HIRA: variants seen among roughly 807,000 people sequenced by gnomAD.
HIRA encodes protein HIRA.
HIRA carries 13 observed loss-of-function variants against 126.6 expected under a neutral mutation model. That is an observed-to-expected ratio of 0.10 (90% CI 0.07 to 0.16). The LOEUF (loss-of-function observed/expected upper bound fraction) is 0.16, where lower values mean the gene tolerates loss of function less well. Ranked by LOEUF, HIRA falls within the 10% of genes least tolerant of loss-of-function variation. The probability of loss-of-function intolerance (pLI) is 1.00; values close to 1 mark genes in which losing one functional copy is unlikely to be tolerated. For missense variants in HIRA, 834 were observed against 1,314.4 expected (o/e 0.63, Z 5.65); for synonymous variants, 511 against 520.0 (o/e 0.98, Z 0.24).
At position 19,405,790 on chromosome 22, in the gene HIRA, T is replaced by C. The variant is rs1459784771; in HGVS notation, c.393A>G (p.Ser131=). ...CCAACAGGCAGTCCCACTCACCGCC[T>C]GAATGATTCCGGAGGATAGAGACAC... The part of the protein sequence containing the change: ...WRCVSILRNH[S]GDVMDVAWSP... The change falls in exon 5 of 25, where the codon TCA becomes TCG. Residue 131 remains serine (S), a synonymous_variant. Coordinates refer to ENST00000263208, the MANE Select transcript of HIRA (RefSeq NM_003325.4). 1 of 1,452,424 alleles carries C rather than the reference T, an allele frequency of 6.9e-7. No homozygotes were observed. The highest frequency in any genetic ancestry group is 1.5e-5 in the African/African-American group (1 of 68,848). 90.0% of individuals were successfully genotyped at this position (1,452,424 alleles called of 1,614,324 possible). A position where few individuals can be genotyped will look rare whatever the true frequency, so the allele number is the denominator to read the frequency against.
chr22:19,382,425 C>G (rs544411979), intron 13 of HIRA, among the ~76,000 whole-genome samples: 3 of 152,302 alleles, frequency 2.0e-5, no homozygotes, highest in African/African-American at 7.2e-5. Flanking sequence ...TTACCCCCTA[C>G]AGGGTCACAA....
intron 13 of HIRA, 104 bp from the exon 14 acceptor site, chr22:19,378,170 T>A (rs1355979990): frequency 1.8e-5 from 14 of 779,152 alleles, no homozygotes; most frequent in Admixed American, 3.4e-5. Flanking sequence ...CAGTATGTTT[T>A]CATGATAGAA....
intron 1 of HIRA, among the ~76,000 whole-genome samples, chr22:19,423,482 T>TACACACACACAC (rs777914879): frequency 2.9e-4 from 32 of 111,294 alleles, no homozygotes; most frequent in African/African-American, 7.4e-4. Context: ...CACACATGCA[T>TACACACACACAC]ACACACACAC....
At chr22:19,426,509 C>T (rs904415694) in intron 1 of HIRA, among the ~76,000 whole-genome samples, 4 of 152,172 alleles carry the variant, frequency 2.6e-5, no homozygotes, top group African/African-American at 4.8e-5. Context: ...TCCACAAACC[C>T]GACTCTGCTG....
chr22:19,373,758 T>C (rs1265918790), intron 15 of HIRA, among the ~76,000 whole-genome samples: 1 of 152,060 alleles, frequency 6.6e-6, no homozygotes. Context: ...TTTTCCCAGG[T>C]CTGCCTCAGT....
intron 8 of HIRA, among the ~76,000 whole-genome samples, chr22:19,393,984 C>T (rs5748177): frequency 0.2 from 29,772 of 152,078 alleles, 5,843 homozygotes; most frequent in African/African-American, 0.5. Flanking sequence ...ACTCAGTGAT[C>T]CATGGCATGG....
intron 17 of HIRA, among the ~76,000 whole-genome samples, chr22:19,360,819 C>T (rs1003430698): frequency 6.6e-6 from 1 of 152,224 alleles, no homozygotes; most frequent in Non-Finnish European, 1.5e-5. Flanking sequence ...TTGACTGTGC[C>T]AGACACTGAG....
intron 24 of HIRA, among the ~76,000 whole-genome samples, chr22:19,349,106 T>G (rs1013232212): frequency 6.6e-6 from 1 of 151,114 alleles, no homozygotes; most frequent in Non-Finnish European, 1.5e-5. Context: ...TTACTTTTTT[T>G]TAAATTTTCC....
chr22:19,399,638 A>T (rs921669044), intron 5 of HIRA, among the ~76,000 whole-genome samples: 1 of 152,140 alleles, frequency 6.6e-6, no homozygotes, highest in Admixed American at 6.5e-5. Flanking sequence ...ATAGGTCTGG[A>T]TTCTCATAAA....
intron 13 of HIRA, among the ~76,000 whole-genome samples, chr22:19,382,445 G>T (rs2089082478): frequency 1.3e-5 from 2 of 152,218 alleles, no homozygotes; most frequent in African/African-American, 4.8e-5. Flanking sequence ...ATAGGAAAAA[G>T]ACTTAGTCAA....
intron 12 of HIRA, among the ~76,000 whole-genome samples, chr22:19,384,843 C>T (rs866830310): frequency 6.6e-6 from 1 of 150,382 alleles, no homozygotes; most frequent in African/African-American, 2.4e-5. Flanking sequence ...TAAGTAGAGA[C>T]AAGGTTTCAC....
At chr22:19,430,077 C>T (rs2089519253) in intron 1 of HIRA, 1 of 152,164 alleles carries the variant, frequency 6.6e-6, no homozygotes, top group Admixed American at 6.5e-5. Context: ...TTATGAAAAC[C>T]TCAGCTTTCT....
chr22:19,356,714 C>G (rs1472949835), intron 19 of HIRA, among the ~76,000 whole-genome samples, 176 bp downstream of exon 19: 1 of 152,076 alleles, frequency 6.6e-6, no homozygotes, highest in African/African-American at 2.4e-5. Context: ...TACCCCTCAG[C>G]CCTCAGCCTA....
intron 2 of HIRA, among the ~76,000 whole-genome samples, chr22:19,410,213 C>T (rs1173031673): frequency 6.6e-6 from 1 of 152,238 alleles, no homozygotes; most frequent in Non-Finnish European, 1.5e-5. Flanking sequence ...GGCAATACTA[C>T]CAATAACAGT....
intron 18 of HIRA, among the ~76,000 whole-genome samples, chr22:19,358,283 A>T (rs1556013337): frequency 1.3e-5 from 2 of 152,218 alleles, no homozygotes; most frequent in African/African-American, 4.8e-5. Flanking sequence ...CCCACTGCAA[A>T]GAAAGCCATC....
chr22:19,369,214 G>A (rs1414555910), intron 15 of HIRA, among the ~76,000 whole-genome samples: 1 of 152,138 alleles, frequency 6.6e-6, no homozygotes, highest in African/African-American at 2.4e-5. Flanking sequence ...GGCCTTAGGA[G>A]AGGGTGGAGC....
intron 15 of HIRA, among the ~76,000 whole-genome samples, chr22:19,365,601 T>C (rs1470842734): frequency 1.3e-5 from 2 of 152,214 alleles, no homozygotes; most frequent in East Asian, 3.8e-4. Flanking sequence ...GAAAAAAAGA[T>C]TCCTTTCAAA....
At chr22:19,415,505 T>A (rs955357869) in intron 1 of HIRA, among the ~76,000 whole-genome samples, 5 of 152,170 alleles carry the variant, frequency 3.3e-5, no homozygotes, top group African/African-American at 1.2e-4. Context: ...TTTAAGATGT[T>A]AGGCTGGGCA....
chr22:19,354,079 A>G lies in HIRA; in HGVS notation c.2601T>C (p.Cys867=). 6.2e-7 allele frequency: 1 copy of G among 1,613,178 alleles called. No homozygotes were observed. The highest frequency in any genetic ancestry group is 1.1e-5 in the South Asian group (1 of 90,790). ...VSDKQDSLAQ[C]ADFRSSLPSQ... ...ATGGCAGGCTGCTCCTAAAGTCTGC[A>G]CACTGAGCCAGTGAGTCCTGCTTGT... Residue 867 remains cysteine, a synonymous_variant, in exon 22 of 25, where the codon TGT becomes TGC. Coordinates refer to ENST00000263208, the MANE Select transcript of HIRA (RefSeq NM_003325.4).
Sources: gnomAD v4.1 joint callset for allele counts (sites outside exome capture counted in the v4.1 genomes callset) on GRCh38, gnomAD v4.1.1 for gene constraint, MANE v1.5 for transcripts, NCBI Gene and HGNC (gene_info 2026-07-23, HGNC 2026-07-21) for gene names.